Variants in CCDC93 observed in about 807,000 individuals in gnomAD.
The protein encoded by CCDC93 is coiled-coil domain-containing protein 93.
A neutral mutation model predicts 108.2 loss-of-function variants in CCDC93; 61 were observed. The observed-to-expected ratio is 0.56, with a 90% CI of 0.46 to 0.70. The LOEUF (loss-of-function observed/expected upper bound fraction) is 0.70. Among genes scored for constraint, CCDC93 ranks in the 30% least tolerant of loss-of-function variants. The probability of loss-of-function intolerance (pLI) is 0.00; values close to 1 mark genes in which losing one functional copy is unlikely to be tolerated. For synonymous variants in CCDC93, 276 were observed against 260.4 expected, an observed-to-expected ratio of 1.06 and a Z score of -0.58; for missense variants, 685 against 764.2, an observed-to-expected ratio of 0.90 and a Z score of 1.22.
intron 17 of CCDC93, among the ~76,000 whole-genome samples, chr2:117,944,962 C>T (rs1174678835): frequency 6.6e-6 from 1 of 152,200 alleles, no homozygotes; most frequent in African/African-American, 2.4e-5. Context: ...TGGCAAACTA[C>T]AGCCTGTGAG....
chr2:117,928,344 A>T (rs1429712624), intron 23 of CCDC93, among the ~76,000 whole-genome samples: 2 of 151,994 alleles, frequency 1.3e-5, no homozygotes, highest in African/African-American at 4.8e-5. Flanking sequence ...ATGGGAGAAA[A>T]TTTTTGCAAT....
At chr2:117,923,147 G>A (rs1677938264) in intron 23 of CCDC93, among the ~76,000 whole-genome samples, 1 of 152,306 alleles carries the variant, frequency 6.6e-6, no homozygotes, top group Non-Finnish European at 1.5e-5. Context: ...GAACCAAGAT[G>A]GCCGAATAGG....
At chr2:117,977,022 G>A (rs371543869) in intron 8 of CCDC93, among the ~76,000 whole-genome samples, 80 of 148,318 alleles carry the variant, frequency 5.4e-4, no homozygotes, top group African/African-American at 1.7e-3. Context: ...TGCAAGCTCC[G>A]CCTCCCGGGT....
chr2:117,947,569 T>TA (rs773121999), intron 15 of CCDC93, among the ~76,000 whole-genome samples: 2 of 152,210 alleles, frequency 1.3e-5, no homozygotes, highest in Non-Finnish European at 2.9e-5. Flanking sequence ...AAAAACTTCA[T>TA]AAGACTTTTC....
rs968728058 is a variant in CCDC93, at chr2:117,945,463, G to C, written c.1350+66C>G. The C allele has an allele frequency of 3.2e-5, 42 of 1,300,348 alleles. No individual in the cohort carries two copies. In the African/African-American group the frequency reaches 5.8e-4, roughly 18 times the overall value. The allele number at this position is 1,300,348 out of a possible 1,614,324, so 80.6% of individuals were successfully genotyped here. On this transcript the variant is annotated intron_variant, in intron 17 of 23. Transcript: ENST00000376300. ...AAAGTAGGCATGAGAAGCCATCACA[G>C]GAGAGTGGAAAGCTGGCCGCCTGCC...
chr2:117,980,622 G>C (rs546791194), intron 7 of CCDC93, among the ~76,000 whole-genome samples: 1 of 152,128 alleles, frequency 6.6e-6, no homozygotes, highest in Non-Finnish European at 1.5e-5. Flanking sequence ...TGAGTAATCC[G>C]CTAAGCCTTT....
rs777914247 is a variant in CCDC93, at chr2:117,977,983, G to C, written c.657+11C>G. On this transcript the variant is annotated intron_variant, in intron 8 of 23. Transcript: ENST00000376300. ...TCAAGTATTCTCTCTTACTATCAAT[G>C]TTTTTCTTACCTTCTCCATTTTGCT... is the stretch of plus-strand genomic sequence containing the variant. 6.2e-7 allele frequency: 1 copy of C among 1,612,554 alleles called. No homozygotes were observed. Among genetic ancestry groups the C allele is most frequent in the African/African-American group, 1.3e-5 (1 of 74,848 alleles).
chr2:117,998,076 T>C (rs1157528400), intron 4 of CCDC93: 1 of 152,226 alleles, frequency 6.6e-6, no homozygotes, highest in African/African-American at 2.4e-5. Context: ...ACAGGTTCCC[T>C]AGCACTCAAG....
chr2:117,945,550 C>G lies in CCDC93; in HGVS notation c.1329G>C (p.Leu443Phe), dbSNP rs577755174. The G allele has an allele frequency of 1.4e-5, 22 of 1,613,926 alleles. No individual in the cohort carries two copies. The South Asian group carries it at 2.3e-4, about 17-fold the overall frequency. The change falls in exon 17 of 24, where the codon TTG (leucine) becomes TTC (phenylalanine). Residue 443 changes from leucine (L) to phenylalanine (F), a missense_variant. Leu to Phe is a conservative substitution (Grantham distance 22, BLOSUM62 0). Coordinates refer to ENST00000376300, the MANE Select transcript of CCDC93 (RefSeq NM_019044.5). Reference protein sequence around the residue: ...TLSSGEPPGTLTSAMTHDEDL... With the variant: ...TLSSGEPPGTFTSAMTHDEDL... ...TTACGTCATGAGTCATTGCAGAGGT[C>G]AAGGTACCAGGCGGCTCTCCACTGG... is the stretch of plus-strand genomic sequence containing the variant.
intron 21 of CCDC93, chr2:117,935,841 A>T: frequency 3.0e-6 from 1 of 329,116 alleles, no homozygotes; most frequent in East Asian, 4.8e-5. Flanking sequence ...TTCATAACTA[A>T]TATGTATTTT....
intron 19 of CCDC93, among the ~76,000 whole-genome samples, chr2:117,939,752 G>C (rs1012417296): frequency 3.3e-5 from 5 of 152,164 alleles, no homozygotes; most frequent in African/African-American, 1.2e-4. Flanking sequence ...TCCTCCAATA[G>C]AGCCAGTGCT....
At chr2:117,946,598 G>A (rs1428856168) in intron 16 of CCDC93, among the ~76,000 whole-genome samples, 1 of 152,190 alleles carries the variant, frequency 6.6e-6, no homozygotes, top group Non-Finnish European at 1.5e-5. Flanking sequence ...TCGTGTCTGG[G>A]TTGCTGCCTT....
chr2:117,953,753 C>T (rs1679132941), intron 12 of CCDC93, among the ~76,000 whole-genome samples: 2 of 150,616 alleles, frequency 1.3e-5, no homozygotes, highest in South Asian at 2.1e-4. Flanking sequence ...AAAATTAGCC[C>T]GGCATGGTGG....
chr2:117,944,584 T>C (rs1678808294), intron 17 of CCDC93: 1 of 376,436 alleles, frequency 2.7e-6, no homozygotes, highest in African/African-American at 2.2e-5. Flanking sequence ...AGTCCCTCAT[T>C]GAACCCAGCA....
intron 22 of CCDC93, among the ~76,000 whole-genome samples, chr2:117,933,113 T>C (rs1402422805): frequency 1.3e-5 from 2 of 152,194 alleles, no homozygotes; most frequent in African/African-American, 2.4e-5. Context: ...CTGTGTATCC[T>C]TGGACAGCTA....
At chr2:117,936,615 C>A in intron 21 of CCDC93, 87 bp downstream of exon 21, 1 of 1,056,812 alleles carries the variant, frequency 9.5e-7, no homozygotes, top group South Asian at 1.3e-5. Flanking sequence ...GTACCTTTGT[C>A]AAGCACATTA....
intron 22 of CCDC93, among the ~76,000 whole-genome samples, chr2:117,931,890 G>C (rs2104715525): frequency 6.6e-6 from 1 of 152,288 alleles, no homozygotes; most frequent in African/African-American, 2.4e-5. Flanking sequence ...CATTGACTTA[G>C]AACCTACTGA....
chr2:117,969,667 A>ACACCAATACCAGACAAGGC (rs58994463), intron 11 of CCDC93, among the ~76,000 whole-genome samples: 14,692 of 152,088 alleles, frequency 0.097, 946 homozygotes, highest in East Asian at 0.27. Context: ...ATTTCAAAGA[A>ACACCAATACCAGACAAGGC]CACCAATACC....
chr2:117,926,224 C>T (rs1447001155), intron 23 of CCDC93, among the ~76,000 whole-genome samples: 1 of 152,022 alleles, frequency 6.6e-6, no homozygotes, highest in Non-Finnish European at 1.5e-5. Context: ...GAAGCAAGAG[C>T]AAACACATTC....
Sources: gnomAD v4.1 joint callset for allele counts (sites outside exome capture counted in the v4.1 genomes callset) on GRCh38, gnomAD v4.1.1 for gene constraint, MANE v1.5 for transcripts, NCBI Gene and HGNC (gene_info 2026-07-23, HGNC 2026-07-21) for gene names.